Variants in SGK1 observed in about 807,000 individuals in gnomAD.
SGK1 encodes the protein serum/glucocorticoid regulated kinase 1.
In SGK1, 26 loss-of-function variants were observed where a neutral mutation model predicts 64.2. That is an observed-to-expected ratio of 0.40 (90% confidence interval 0.30 to 0.56). SGK1 has a LOEUF of 0.56. Ranked by LOEUF, SGK1 falls within the 20% of genes least tolerant of loss-of-function variation. The pLI, the probability that SGK1 is intolerant of heterozygous loss-of-function variation, is 0.38. For synonymous variants in SGK1, 265 were observed against 239.7 expected (o/e 1.11, Z -0.98); for missense variants, 519 against 645.6 (o/e 0.80, Z 2.12).
chr6:134,229,865 C>CT (rs927312586), intron 2 of SGK1, among the ~76,000 whole-genome samples: 5 of 150,948 alleles, frequency 3.3e-5, no homozygotes, highest in Non-Finnish European at 4.4e-5. Context: ...AAGAAAACAT[C>CT]TTTTTTTTTC....
At chr6:134,209,198 CCGAGGCGGG>C (rs1775844290) in intron 2 of SGK1, among the ~76,000 whole-genome samples, 1 of 152,156 alleles carries the variant, frequency 6.6e-6, no homozygotes, top group Non-Finnish European at 1.5e-5. Context: ...CTTTGGGAGG[CCGAGGCGGG>C]CGGATCAGCT....
intron 1 of SGK1, chr6:134,297,361 C>A: frequency 2.2e-6 from 2 of 929,774 alleles, no homozygotes; most frequent in South Asian, 2.6e-5. Context: ...GCCTCCAGCT[C>A]AGACAGCTTG....
intron 11 of SGK1, 144 bp from the exon 12 acceptor site, chr6:134,171,322 C>T (rs1775016687): frequency 6.3e-6 from 5 of 799,718 alleles, no homozygotes; most frequent in Non-Finnish European, 1.0e-5. Flanking sequence ...TTTTCCCTTG[C>T]TATTTAAGTG....
At chr6:134,258,167 A>G (rs919813338) in intron 2 of SGK1, among the ~76,000 whole-genome samples, 1 of 150,248 alleles carries the variant, frequency 6.7e-6, no homozygotes, top group Admixed American at 6.7e-5. Flanking sequence ...CTGTGGTGCC[A>G]TCTTGGTTCA....
At chr6:134,298,315 T>A in intron 1 of SGK1, 1 of 1,572,642 alleles carries the variant, frequency 6.4e-7, no homozygotes, top group Non-Finnish European at 8.7e-7. Context: ...TGTCTTCTGC[T>A]GCTGCAGGAG....
chr6:134,266,421 C>A (rs923179204), intron 1 of SGK1, among the ~76,000 whole-genome samples: 2 of 151,974 alleles, frequency 1.3e-5, no homozygotes, highest in Non-Finnish European at 2.9e-5. Context: ...TCAAGACCAG[C>A]CTGACCAACA....
intron 2 of SGK1, among the ~76,000 whole-genome samples, chr6:134,210,875 C>T (rs1270286589): frequency 2.0e-5 from 3 of 148,838 alleles, no homozygotes; most frequent in African/African-American, 7.5e-5. Flanking sequence ...CCTGTAATCC[C>T]ACACTTTGGG....
intron 2 of SGK1, among the ~76,000 whole-genome samples, chr6:134,233,531 C>G (rs1776320907): frequency 6.6e-6 from 1 of 152,150 alleles, no homozygotes; most frequent in Middle Eastern, 3.2e-3. Context: ...TTGTCAAAGA[C>G]CAATACTGAA....
chr6:134,195,761 G>T (rs1013068563), intron 3 of SGK1, among the ~76,000 whole-genome samples: 1 of 152,156 alleles, frequency 6.6e-6, no homozygotes, highest in Non-Finnish European at 1.5e-5. Flanking sequence ...TTTAAGTCTA[G>T]CCATATGTCT....
intron 3 of SGK1, among the ~76,000 whole-genome samples, chr6:134,197,399 ATTGTC>A (rs1174335223): frequency 6.6e-6 from 1 of 151,900 alleles, no homozygotes; most frequent in Admixed American, 6.6e-5. Flanking sequence ...TTATGTTTTT[ATTGTC>A]TTAAGGGGGC....
intron 1 of SGK1, among the ~76,000 whole-genome samples, chr6:134,291,619 ACT>A (rs1777265201): frequency 6.6e-6 from 1 of 151,876 alleles, no homozygotes. Context: ...ATGACGAATA[ACT>A]CTTTGTTCTT....
chr6:134,303,969 A>G (rs548781844), intron 1 of SGK1, among the ~76,000 whole-genome samples: 1 of 152,284 alleles, frequency 6.6e-6, no homozygotes, highest in African/African-American at 2.4e-5. Flanking sequence ...TATGACACCC[A>G]GGACTCGGCC....
At chr6:134,218,199 A>G (rs893639945) in intron 2 of SGK1, among the ~76,000 whole-genome samples, 26 of 152,196 alleles carry the variant, frequency 1.7e-4, no homozygotes, top group Non-Finnish European at 2.5e-4. Context: ...TTAGGGACCA[A>G]TTAAGGGCTG....
chr6:134,250,008 T>C (rs1776582664), intron 2 of SGK1, among the ~76,000 whole-genome samples: 1 of 152,198 alleles, frequency 6.6e-6, no homozygotes, highest in African/African-American at 2.4e-5. Context: ...ACCTATCTGC[T>C]ACTCATCAAA....
chr6:134,215,316 A>C (rs1363296212), intron 2 of SGK1, among the ~76,000 whole-genome samples: 1 of 151,566 alleles, frequency 6.6e-6, no homozygotes, highest in African/African-American at 2.4e-5. Context: ...GGGTTTCACC[A>C]TGTTGGCCAG....
chr6:134,283,586 G>A (rs971032958), intron 1 of SGK1, among the ~76,000 whole-genome samples: 6 of 151,856 alleles, frequency 4.0e-5, no homozygotes, highest in Non-Finnish European at 8.8e-5. Flanking sequence ...AGTGACTCAC[G>A]CCTGTAATCC....
intron 2 of SGK1, among the ~76,000 whole-genome samples, chr6:134,208,112 A>G (rs1775823781): frequency 6.6e-6 from 1 of 152,168 alleles, no homozygotes; most frequent in South Asian, 2.1e-4. Context: ...GGGTTTCACC[A>G]TGTTGCCCAG....
rs1775127210 is a variant in SGK1 at position 134,174,070 on chromosome 6, G to T, written c.448C>A (p.Gln150Lys). ...GGTTGGGAGATCTTCAAGATGGACT[G>T]AACTTCAGGGCTGCAGGGAATAAAG... ...NSYACKHPEV[Q>K]SILKISQPQE... Residue 150 changes from glutamine (Q) to lysine (K), a missense_variant, in exon 5 of 14, where the codon CAG (glutamine) becomes AAG (lysine). Transcript: ENST00000367858. 3 of 1,613,084 alleles carry T rather than the reference G, an allele frequency of 1.9e-6. No homozygotes were observed. The African/African-American group carries it at 4.0e-5, about 22-fold the overall frequency.
At chr6:134,229,335 A>C (rs1776241422) in intron 2 of SGK1, among the ~76,000 whole-genome samples, 1 of 152,258 alleles carries the variant, frequency 6.6e-6, no homozygotes, top group African/African-American at 2.4e-5. Flanking sequence ...ATTTGAAATA[A>C]AAATAAAGAA....
Sources: gnomAD v4.1 joint callset for allele counts (sites outside exome capture counted in the v4.1 genomes callset) on GRCh38, gnomAD v4.1.1 for gene constraint, MANE v1.5 for transcripts, NCBI Gene and HGNC (gene_info 2026-07-23, HGNC 2026-07-21) for gene names.